CDH2: variants seen among roughly 807,000 people sequenced by gnomAD.
CDH2 encodes the protein cadherin-2.
A neutral mutation model predicts 92.0 loss-of-function variants in CDH2; 17 were observed. The observed-to-expected ratio is 0.18, with a 90% CI of 0.13 to 0.28. The LOEUF is 0.28. Among genes scored for constraint, CDH2 ranks in the 10% least tolerant of loss-of-function variants. CDH2 has a pLI of 1.00. For missense variants in CDH2, 862 were observed against 1,133.1 expected (o/e 0.76, Z 3.44); for synonymous variants, 419 against 415.9 (o/e 1.01, Z -0.09).
At chr18:27,936,905 G>A (rs548041813) in intron 6 of CDH2, among the ~76,000 whole-genome samples, 13 of 152,172 alleles carry the variant, frequency 8.5e-5, no homozygotes, top group Non-Finnish European at 1.6e-4. Context: ...GTAGGAGACT[G>A]GCATTTTGTT....
intron 6 of CDH2, among the ~76,000 whole-genome samples, chr18:27,940,081 T>G (rs1046184405): frequency 7.2e-5 from 11 of 152,312 alleles, no homozygotes; most frequent in African/African-American, 2.2e-4. Flanking sequence ...GCCCAACTTC[T>G]CCCTCTACCT....
chr18:28,095,304 G>A (rs1429947533), intron 2 of CDH2, among the ~76,000 whole-genome samples: 1 of 152,154 alleles, frequency 6.6e-6, no homozygotes, highest in Non-Finnish European at 1.5e-5. Context: ...AAAAGGGTCG[G>A]GTGCAATGGC....
At chr18:28,006,736 A>G (rs2144020166) in intron 5 of CDH2, among the ~76,000 whole-genome samples, 1 of 150,902 alleles carries the variant, frequency 6.6e-6, no homozygotes, top group African/African-American at 2.4e-5. Flanking sequence ...AAAAAAAAAA[A>G]AGAAGTGGAA....
At chr18:27,996,061 TCTC>T (rs1297223568) in intron 7 of CDH2, among the ~76,000 whole-genome samples, 1 of 152,048 alleles carries the variant, frequency 6.6e-6, no homozygotes, top group Non-Finnish European at 1.5e-5. Flanking sequence ...CTTGAAAACT[TCTC>T]CTCCCTTCCT....
At chr18:28,158,819 C>A (rs762410565) in intron 1 of CDH2, among the ~76,000 whole-genome samples, 2 of 152,158 alleles carry the variant, frequency 1.3e-5, no homozygotes, top group Non-Finnish European at 1.5e-5. Flanking sequence ...AGCCAGCTAT[C>A]TTCTTATTAA....
At chr18:28,148,737 G>C (rs770104768) in intron 1 of CDH2, among the ~76,000 whole-genome samples, 4 of 152,182 alleles carry the variant, frequency 2.6e-5, no homozygotes, top group Non-Finnish European at 4.4e-5. Flanking sequence ...CAGAAATTGA[G>C]AGGAAGAAGA....
intron 6 of CDH2, among the ~76,000 whole-genome samples, chr18:27,935,878 C>T (rs978230099): frequency 6.6e-6 from 1 of 152,126 alleles, no homozygotes; most frequent in African/African-American, 2.4e-5. Context: ...AATTAAAAAG[C>T]AAGTTATTTT....
intron 2 of CDH2, among the ~76,000 whole-genome samples, chr18:28,114,446 A>AAC (rs1354254471): frequency 6.6e-6 from 1 of 152,146 alleles, no homozygotes; most frequent in African/African-American, 2.4e-5. Context: ...TCCTCATATA[A>AAC]ACAGTATATA....
chr18:28,071,777 T>G (rs1018845170), intron 2 of CDH2, among the ~76,000 whole-genome samples: 16 of 152,116 alleles, frequency 1.1e-4, no homozygotes, highest in Admixed American at 9.8e-4. Context: ...TAATGCTTTC[T>G]CTCCCTTCGA....
At chr18:28,060,872 C>T (rs567106679) in intron 2 of CDH2, among the ~76,000 whole-genome samples, 111 of 152,206 alleles carry the variant, frequency 7.3e-4, no homozygotes, top group African/African-American at 2.6e-3. Flanking sequence ...TCATTGTTTT[C>T]GGGCATTTCC....
chr18:27,952,822 G>A (rs560042946), intron 15 of CDH2, among the ~76,000 whole-genome samples: 1 of 152,158 alleles, frequency 6.6e-6, no homozygotes, highest in Non-Finnish European at 1.5e-5. Flanking sequence ...AGCATAACAG[G>A]TATTACTACT....
chr18:28,145,334 C>T (rs2144322951), intron 2 of CDH2, among the ~76,000 whole-genome samples: 1 of 152,198 alleles, frequency 6.6e-6, no homozygotes, highest in Admixed American at 6.5e-5. Flanking sequence ...CCTTGGAAAA[C>T]TGTCACATAC....
In CDH2 at chr18:28,021,721, A is replaced by G. The variant is rs543177800; in HGVS notation, c.173-7812T>C. On this transcript the variant is annotated intron_variant, in intron 2 of 15. Coordinates refer to ENST00000269141, the MANE Select transcript of CDH2 (RefSeq NM_001792.5). ...ACAGATCTTATATATTAAATGTATT[A>G]GCATTTAACAGCACTACATAAACCA... Among the ~76,000 whole-genome samples, 15 of 152,124 alleles carry G rather than the reference A, an allele frequency of 9.9e-5. No individual in the cohort carries two copies. The East Asian group carries it at 2.9e-3, about 29-fold the overall frequency.
At position 28,007,156 on chromosome 18, in the gene CDH2, T is replaced by TAAA. The variant is rs753614802; in HGVS notation, c.703-1166_703-1164dup. Among the ~76,000 whole-genome samples, 616 of 106,564 alleles carry TAAA rather than the reference T, an allele frequency of 5.8e-3. 16 individuals are homozygous for TAAA. The highest frequency in any genetic ancestry group is 0.023 in the African/African-American group (546 of 23,644). 69.9% of individuals were successfully genotyped at this position (106,564 alleles called of 152,430 possible). A position where few individuals can be genotyped will look rare whatever the true frequency, so the allele number is the denominator to read the frequency against. ...GCCTGGGCAACAGAGTGAGACTCCA[T>TAAA]AAAAAAAAAATATATATATATATAT... On this transcript the variant is annotated intron_variant, in intron 5 of 15. Coordinates refer to ENST00000269141, the MANE Select transcript of CDH2 (RefSeq NM_001792.5).
intron 1 of CDH2, among the ~76,000 whole-genome samples, chr18:28,162,209 T>C (rs2016316335): frequency 6.6e-6 from 1 of 152,116 alleles, no homozygotes; most frequent in Admixed American, 6.5e-5. Context: ...CAAGGCTAAA[T>C]GATCAAAAAG....
chr18:27,945,823 C>G (rs1909255533), intron 6 of CDH2, among the ~76,000 whole-genome samples: 1 of 152,124 alleles, frequency 6.6e-6, no homozygotes, highest in African/African-American at 2.4e-5. Flanking sequence ...TACCAATCCA[C>G]TGTTACAGTG....
chr18:27,937,707 A>G lies in CDH2; in HGVS notation c.1152-4583T>C, dbSNP rs147895573. The stretch of plus-strand genomic sequence containing the variant: ...AGGATTATAAGTGAGCCAAGGATGT[A>G]GGAACTACATTTCAAGCTTTCTTCG... On this transcript the variant is annotated intron_variant, in intron 6 of 6. Coordinates refer to the CDH2 transcript ENST00000675173. Among the ~76,000 whole-genome samples, 962 of 152,354 alleles carry G rather than the reference A, an allele frequency of 6.3e-3. 4 individuals are homozygous for G. The highest frequency in any genetic ancestry group is 0.01 in the Non-Finnish European group (714 of 68,018).
At position 28,023,591 on chromosome 18, in the gene CDH2, T is replaced by C. The variant is rs1159793953; in HGVS notation, c.173-9682A>G. On this transcript the variant is annotated intron_variant, in intron 2 of 15. Transcript: ENST00000269141. ...CCACCTGCCTTGGCCTCCCAAAGTGTTGGGATTACAGACCAACTGCACCTG... is the reference window on the plus strand; with the variant it reads ...CCACCTGCCTTGGCCTCCCAAAGTGCTGGGATTACAGACCAACTGCACCTG... Among the ~76,000 whole-genome samples the C allele has an allele frequency of 2.6e-5, 4 of 152,058 alleles. No individual in the cohort carries two copies. The East Asian group carries it at 5.8e-4, about 22-fold the overall frequency.
chr18:28,150,937 A>G (rs1281302450), intron 1 of CDH2, among the ~76,000 whole-genome samples: 1 of 152,256 alleles, frequency 6.6e-6, no homozygotes, highest in East Asian at 1.9e-4. Context: ...GTCAAAAAAT[A>G]GCAAAGTTAC....
Sources: allele counts gnomAD v4.1 joint callset (sites outside exome capture counted in the v4.1 genomes callset), GRCh38; gene constraint gnomAD v4.1.1; transcripts MANE v1.5; gene names NCBI Gene and HGNC (gene_info 2026-07-23, HGNC 2026-07-21).